The following RAB11FIP5 variants were observed in gnomAD, a reference collection of about 807,000 sequenced individuals.
RAB11FIP5 encodes the protein RAB11 family interacting protein 5, also known as rab11 family-interacting protein 5.
In RAB11FIP5, 48 loss-of-function variants were observed where a neutral mutation model predicts 85.1. The ratio of observed to expected loss-of-function variants is 0.56; its 90% confidence interval spans 0.45 to 0.72. RAB11FIP5 has a LOEUF of 0.72. Ranked by LOEUF, RAB11FIP5 falls within the 30% of genes least tolerant of loss-of-function variation. RAB11FIP5 has a pLI of 0.00. For synonymous variants in RAB11FIP5, 729 were observed against 727.3 expected (o/e 1.00, Z -0.04); for missense variants, 1,491 against 1,687.0 (o/e 0.88, Z 2.04).
chr2:73,096,818 T>A (rs1389893833), intron 1 of RAB11FIP5, among the ~76,000 whole-genome samples: 1 of 152,160 alleles, frequency 6.6e-6, no homozygotes, highest in African/African-American at 2.4e-5. Flanking sequence ...CTCCTCTGCA[T>A]CTCTCATTCC....
In RAB11FIP5 at chr2:73,075,441, G is replaced by T; in HGVS notation, c.*80C>A. 7.3e-7 allele frequency: 1 copy of T among 1,370,646 alleles called. No homozygotes were observed. The allele number at this position is 1,370,646 out of a possible 1,614,324, so 84.9% of individuals were successfully genotyped here. On this transcript the variant is annotated 3_prime_UTR_variant, in exon 6 of 6. Coordinates refer to ENST00000486777, the MANE Select transcript of RAB11FIP5 (RefSeq NM_001371272.1). This position sits in a 1 kb window ranked among gnomAD's most constrained non-coding sequence, Gnocchi z 4.6. Reference sequence around the variant, plus strand: ...AAGGCAAGACAGACGATGCCCCACTGCAGATGAGAGAGTTCAGGAGGAGAG... The same window carrying T: ...AAGGCAAGACAGACGATGCCCCACTTCAGATGAGAGAGTTCAGGAGGAGAG...
At chr2:73,087,773 G>T (rs994503327) in intron 3 of RAB11FIP5, among the ~76,000 whole-genome samples, 1 of 152,164 alleles carries the variant, frequency 6.6e-6, no homozygotes, top group East Asian at 1.9e-4. Context: ...AGCTCAGGGG[G>T]TGGGCATGCC....
rs910619338 is a variant in RAB11FIP5 at position 73,081,131 on chromosome 2, C to T, written c.2101G>A (p.Gly701Arg). The change falls in exon 4 of 6, where the codon GGG (glycine) becomes AGG (arginine). Residue 701 changes from glycine (G) to arginine (R), a missense_variant. Coordinates refer to ENST00000486777, the MANE Select transcript of RAB11FIP5 (RefSeq NM_001371272.1). The surrounding 1 kb of genome is among the most constrained non-coding windows in gnomAD (Gnocchi z 4.2). ...CCTCCTCCTCCTCCTCCTCCTCCCC[C>T]AGGCTCTCCCTGGGGCTCAGCTGCC... ...AKAAEPQGEP[G>R]GGGGGGGGGG... The T allele has an allele frequency of 8.1e-7, 1 of 1,234,220 alleles. No individual in the cohort carries two copies. Among genetic ancestry groups the T allele is most frequent in the Admixed American group, 4.2e-5 (1 of 23,754 alleles). 76.5% of individuals were successfully genotyped at this position (1,234,220 alleles called of 1,614,324 possible).
Position 73,075,677 on chromosome 2 carries a change from G to T in RAB11FIP5, c.3819C>A (p.His1273Gln). The change falls in exon 6 of 6, where the codon CAC becomes CAA. Residue 1273 changes from histidine to glutamine, a missense_variant. Physicochemically the swap from His to Gln is conservative, Grantham distance 24 (BLOSUM62 0). Around this residue, in one of 3 missense-constraint regions of RAB11FIP5, gnomAD observed 232 missense variants for 259.1 expected, o/e 0.90. Transcript: ENST00000486777. The surrounding 1 kb of genome is among the most constrained non-coding windows in gnomAD (Gnocchi z 4.6). Reference protein sequence around the residue: ...DQSAKYYHLTHDELISLLLQR... With the variant: ...DQSAKYYHLTQDELISLLLQR... ...GCAGGAGCAGGCTGATGAGCTCATC[G>T]TGGGTCAGGTGGTAGTACTTGGCCG... 1 of 1,613,108 alleles carries T rather than the reference G, an allele frequency of 6.2e-7. No individual in the cohort carries two copies. The highest frequency in any genetic ancestry group is 1.3e-5 in the African/African-American group (1 of 75,024).
rs1050668552 is a variant in RAB11FIP5 at position 73,073,673 on chromosome 2, G to A, written c.*1848C>T. The A allele has an allele frequency of 6.6e-5, 10 of 152,316 alleles. No individual in the cohort carries two copies. The highest frequency in any genetic ancestry group is 1.2e-4 in the African/African-American group (5 of 41,554). 9.4% of individuals were successfully genotyped at this position (152,316 alleles called of 1,614,324 possible). ...TAAAGCCCAGAGGAATCCCCAGTAG[G>A]GGGGGTGACTCCCCCTCTCTCAGAA... is the stretch of plus-strand genomic sequence containing the variant. On this transcript the variant is annotated 3_prime_UTR_variant, in exon 6 of 6. Coordinates refer to ENST00000486777, the MANE Select transcript of RAB11FIP5 (RefSeq NM_001371272.1).
chr2:73,110,651 G>A (rs1277224721), intron 1 of RAB11FIP5, among the ~76,000 whole-genome samples: 2 of 152,182 alleles, frequency 1.3e-5, no homozygotes, highest in Non-Finnish European at 2.9e-5. Flanking sequence ...GGCTGAAAAT[G>A]GGTCCACCTG....
At chr2:73,090,622 T>C (rs368823647) in intron 1 of RAB11FIP5, among the ~76,000 whole-genome samples, 2 of 152,300 alleles carry the variant, frequency 1.3e-5, no homozygotes, top group East Asian at 1.9e-4. Context: ...CTTACATACA[T>C]AAGTGAAAGA....
chr2:73,083,478 C>T (rs1368931597), intron 3 of RAB11FIP5, among the ~76,000 whole-genome samples: 2 of 152,162 alleles, frequency 1.3e-5, no homozygotes, highest in African/African-American at 4.8e-5. Context: ...AACTCCCCAT[C>T]CAAAGGTAAA....
In RAB11FIP5 at chr2:73,080,905, TC is replaced by T; in HGVS notation, c.2326del (p.Glu776LysfsTer19). 1.6e-6 allele frequency: 2 copies of T among 1,232,594 alleles called. No homozygotes were observed. Among genetic ancestry groups the T allele is most frequent in the Non-Finnish European group, 2.0e-6 (2 of 988,342 alleles). 76.4% of individuals were successfully genotyped at this position (1,232,594 alleles called of 1,614,324 possible). ...PDRELPAPEV[E>X]AGQSPADSGT... ...ACTGTCTGCCGGACTCTGCCCTGCT[TC>T]CACTTCCGGGGCTGGCAGTTCCCTG... is the stretch of plus-strand genomic sequence containing the variant. On this transcript the variant is annotated frameshift_variant, in exon 4 of 6. Coordinates refer to ENST00000486777, the MANE Select transcript of RAB11FIP5 (RefSeq NM_001371272.1). LOFTEE classifies it high-confidence loss of function.
At chr2:73,098,913 G>A (rs937503864) in intron 1 of RAB11FIP5, among the ~76,000 whole-genome samples, 2 of 151,906 alleles carry the variant, frequency 1.3e-5, no homozygotes, top group East Asian at 1.9e-4. Flanking sequence ...TAGCTGTTAC[G>A]GATGTCACAA....
chr2:73,087,627 A>G (rs1684114668), intron 3 of RAB11FIP5, among the ~76,000 whole-genome samples: 1 of 152,142 alleles, frequency 6.6e-6, no homozygotes. Context: ...AGCTCCAGAG[A>G]GGGGAAGGGA....
At chr2:73,095,096 A>C (rs1376706480) in intron 1 of RAB11FIP5, among the ~76,000 whole-genome samples, 1 of 152,092 alleles carries the variant, frequency 6.6e-6, no homozygotes, top group Non-Finnish European at 1.5e-5. Flanking sequence ...AAGCTGCTCC[A>C]CCTGCAAAGC....
chr2:73,096,894 CT>C (rs1275295524), intron 1 of RAB11FIP5, among the ~76,000 whole-genome samples: 1 of 152,188 alleles, frequency 6.6e-6, no homozygotes, highest in Non-Finnish European at 1.5e-5. Flanking sequence ...CTCAAGGCCA[CT>C]ATACGTGCTG....
chr2:73,094,824 TC>T (rs1281185454), intron 1 of RAB11FIP5, among the ~76,000 whole-genome samples: 2 of 151,614 alleles, frequency 1.3e-5, no homozygotes, highest in African/African-American at 4.8e-5. Flanking sequence ...TACTCATCCC[TC>T]CCCCAGGAGG....
rs555422182 is a variant in RAB11FIP5 at position 73,079,088 on chromosome 2, T to C, written c.3581+563A>G. Among the ~76,000 whole-genome samples, 3 of 152,314 alleles carry C rather than the reference T, an allele frequency of 2.0e-5. No individual in the cohort carries two copies. In the East Asian group the frequency reaches 5.8e-4, roughly 29 times the overall value. ...TATGTGGGAAGTGTTTGAGTTTTCCTTTTTCTTCTGAAGGTGTCTGCAGCT... is the reference window on the plus strand; with the variant it reads ...TATGTGGGAAGTGTTTGAGTTTTCCCTTTTCTTCTGAAGGTGTCTGCAGCT... On this transcript the variant is annotated intron_variant, in intron 4 of 5. Transcript: ENST00000486777.
chr2:73,085,903 A>T (rs1684083835), intron 3 of RAB11FIP5, among the ~76,000 whole-genome samples: 1 of 152,104 alleles, frequency 6.6e-6, no homozygotes, highest in Admixed American at 6.5e-5. Context: ...ACCTGGGGAC[A>T]GGCTCCCCAG....
intron 3 of RAB11FIP5, among the ~76,000 whole-genome samples, chr2:73,084,842 C>T (rs1228258928): frequency 1.3e-5 from 2 of 152,226 alleles, no homozygotes; most frequent in Non-Finnish European, 2.9e-5. Flanking sequence ...CTTGGAGGCA[C>T]GTTCATCTCT....
Position 73,080,585 on chromosome 2 carries a change from G to C in RAB11FIP5, c.2647C>G (p.Pro883Ala), listed in dbSNP as rs1420483135. ...KGSEGLPPPEPEPKPEWVSDK... is the reference protein window; with the variant it reads ...KGSEGLPPPEAEPKPEWVSDK... ...GACACCCACTCGGGTTTAGGCTCGGGCTCCGGTGGGGGAAGCCCCTCGCTC... is the reference window on the plus strand; with the variant it reads ...GACACCCACTCGGGTTTAGGCTCGGCCTCCGGTGGGGGAAGCCCCTCGCTC... The change falls in exon 4 of 6, where the codon CCC (proline) becomes GCC (alanine). Residue 883 changes from proline to alanine, a missense_variant. Pro to Ala is a conservative substitution (Grantham distance 27). Around this residue, in one of 3 missense-constraint regions of RAB11FIP5, gnomAD observed 1,211 missense variants for 1,338.0 expected, o/e 0.91. Coordinates refer to ENST00000486777, the MANE Select transcript of RAB11FIP5 (RefSeq NM_001371272.1). The C allele has an allele frequency of 8.1e-7, 1 of 1,232,290 alleles. No homozygotes were observed. The highest frequency in any genetic ancestry group is 1.0e-6 in the Non-Finnish European group (1 of 988,072). The allele number at this position is 1,232,290 out of a possible 1,614,324, so 76.3% of individuals were successfully genotyped here.
At position 73,080,908 on chromosome 2, in the gene RAB11FIP5, A is replaced by G; in HGVS notation, c.2324T>C (p.Val775Ala). 1 of 1,232,374 alleles carries G rather than the reference A, an allele frequency of 8.1e-7. No individual in the cohort carries two copies. The highest frequency in any genetic ancestry group is 1.0e-6 in the Non-Finnish European group (1 of 988,264). 76.3% of individuals were successfully genotyped at this position (1,232,374 alleles called of 1,614,324 possible). A position where few individuals can be genotyped will look rare whatever the true frequency, so the allele number is the denominator to read the frequency against. Residue 775 changes from valine to alanine, a missense_variant, in exon 4 of 6, where the codon GTG (valine) becomes GCG (alanine). This residue lies in a region of RAB11FIP5 where 1,211 missense variants were observed against 1,338.0 expected (regional missense o/e 0.91). Coordinates refer to ENST00000486777, the MANE Select transcript of RAB11FIP5 (RefSeq NM_001371272.1). ...EPDRELPAPE[V>A]EAGQSPADSG... ...GTCTGCCGGACTCTGCCCTGCTTCCACTTCCGGGGCTGGCAGTTCCCTGTC... is the reference window on the plus strand; with the variant it reads ...GTCTGCCGGACTCTGCCCTGCTTCCGCTTCCGGGGCTGGCAGTTCCCTGTC...
Sources: gnomAD v4.1 joint callset for allele counts (sites outside exome capture counted in the v4.1 genomes callset) on GRCh38, gnomAD v4.1.1 for gene constraint, gnomAD v4.1.1 regional missense constraint, Gnocchi (gnomAD v3.1) non-coding constraint, MANE v1.5 for transcripts, NCBI Gene and HGNC (gene_info 2026-07-23, HGNC 2026-07-21) for gene names.